Variants in PAPLN observed in about 807,000 individuals in gnomAD.
The protein encoded by PAPLN is papilin, proteoglycan like sulfated glycoprotein, also known as papilin.
In PAPLN, 146 loss-of-function variants were observed where a neutral mutation model predicts 159.0. The ratio of observed to expected loss-of-function variants is 0.92; its 90% CI spans 0.80 to 1.05. The LOEUF (loss-of-function observed/expected upper bound fraction) is 1.05, where lower values mean the gene tolerates loss of function less well. Ranked by LOEUF, PAPLN falls within the 50% of genes least tolerant of loss-of-function variation. The pLI is 0.00. For missense variants in PAPLN, 1,720 were observed against 1,743.9 expected (o/e 0.99, Z 0.24); for synonymous variants, 734 against 702.9 (o/e 1.04, Z -0.70).
intron 11 of PAPLN, chr14:73,253,254 A>C: frequency 5.2e-6 from 7 of 1,355,908 alleles, no homozygotes; most frequent in East Asian, 4.5e-5. Context: ...GGCTCCCCGC[A>C]GGGCTGGTGC....
chr14:73,264,324 T>C lies in PAPLN; in HGVS notation c.2975T>C (p.Leu992Pro), dbSNP rs1282444916. 1 of 1,613,638 alleles carries C rather than the reference T, an allele frequency of 6.2e-7. No individual in the cohort carries two copies. The highest frequency in any genetic ancestry group is 8.5e-7 in the Non-Finnish European group (1 of 1,179,916). ...GGCCGCGACTCCCAGAAGATCCAAC[T>C]TCGCATCATAGGTCTCTGTCCCCAC... ...RPGRDSQKIQ[L>P]RIIGGDMAVL... Residue 992 changes from leucine (L) to proline (P), a missense_variant, in exon 21 of 27, where the codon CTT becomes CCT. Leu to Pro is a moderately conservative substitution (Grantham distance 98, BLOSUM62 -3). Transcript: ENST00000644200.
intron 19 of PAPLN, chr14:73,263,431 G>A: frequency 1.6e-6 from 1 of 616,704 alleles, no homozygotes; most frequent in Non-Finnish European, 2.9e-6. Context: ...ACAGGTTGAG[G>A]CAGTGATGCT....
intron 26 of PAPLN, among the ~76,000 whole-genome samples, chr14:73,270,408 C>T (rs1035119352): frequency 1.3e-5 from 2 of 152,318 alleles, no homozygotes; most frequent in Admixed American, 6.5e-5. Context: ...GCTCGGTGAA[C>T]GGGAGCGTTA....
At chr14:73,252,264 G>A (rs1215512789) in intron 10 of PAPLN, 123 bp downstream of exon 10, 8 of 1,377,882 alleles carry the variant, frequency 5.8e-6, no homozygotes, top group African/African-American at 2.9e-5. Context: ...ACAAGTAGGC[G>A]AGAAATCTCT....
chr14:73,248,465 T>A (rs1392554235), intron 5 of PAPLN, among the ~76,000 whole-genome samples: 1 of 152,178 alleles, frequency 6.6e-6, no homozygotes, highest in East Asian at 1.9e-4. Context: ...TATAATCCTG[T>A]TTGTACTTTT....
At position 73,260,767 on chromosome 14, in the gene PAPLN, A is replaced by T; in HGVS notation, c.2044A>T (p.Thr682Ser). 2.7e-6 allele frequency: 4 copies of T among 1,481,946 alleles called. No homozygotes were observed. Among genetic ancestry groups the T allele is most frequent in the Non-Finnish European group, 3.6e-6 (4 of 1,119,526 alleles). The allele number at this position is 1,481,946 out of a possible 1,614,324, so 91.8% of individuals were successfully genotyped here. The part of the protein sequence containing the change: ...VAEGPHHAGC[T>S]KSYGGDSTGG... ...TGAGGGGCCCCATCACGCTGGCTGC[A>T]CAAAGTCGTATGGTGGTGACAGCAC... Residue 682 changes from threonine (T) to serine (S), a missense_variant, in exon 17 of 27, where the codon ACA (threonine) becomes TCA (serine). Transcript: ENST00000644200.
chr14:73,239,646 G>C, intron 1 of PAPLN, 127 bp from the exon 2 acceptor site: 1 of 1,443,292 alleles, frequency 6.9e-7, no homozygotes, highest in Non-Finnish European at 9.1e-7. Flanking sequence ...AGGCGCACCC[G>C]GCTGTCCTGT....
At chr14:73,258,490 T>C (rs1886173494) in intron 14 of PAPLN, among the ~76,000 whole-genome samples, 1 of 151,984 alleles carries the variant, frequency 6.6e-6, no homozygotes, top group Non-Finnish European at 1.5e-5. Flanking sequence ...CATGTAAGAT[T>C]AGCATTTTTC....
At position 73,246,182 on chromosome 14, in the gene PAPLN, G is replaced by A. The variant is rs1884282048; in HGVS notation, c.334+7G>A. The A allele has an allele frequency of 1.9e-6, 3 of 1,569,218 alleles. No individual in the cohort carries two copies. The highest frequency in any genetic ancestry group is 2.6e-6 in the Non-Finnish European group (3 of 1,162,610). ...TGGCTGCCCTACTACAGCGGTGAGC[G>A]CGGCCGGGACTCGCTCTCTCGGGGC... On this transcript the variant is annotated splice_region_variant and intron_variant, in intron 5 of 26. Coordinates refer to ENST00000644200, the MANE Select transcript of PAPLN (RefSeq NM_001365906.3).
chr14:73,255,104 C>T, intron 14 of PAPLN, 86 bp downstream of exon 14: 1 of 1,496,060 alleles, frequency 6.7e-7, no homozygotes, highest in Non-Finnish European at 9.0e-7. Flanking sequence ...TGCCTCGGGG[C>T]CTCTGCCTGC....
At chr14:73,254,358 C>T (rs573816073) in intron 12 of PAPLN, among the ~76,000 whole-genome samples, 155 bp from the exon 13 acceptor site, 1 of 152,302 alleles carries the variant, frequency 6.6e-6, no homozygotes, top group South Asian at 2.1e-4. Flanking sequence ...GCTGTGTGAC[C>T]TCAGGGGAGT....
rs369559834 is a variant in PAPLN at position 73,251,045 on chromosome 14, G to A, written c.589+15G>A. ...CCTCAGCCGAGGTGGGGGTGGTTCC[G>A]ACAAGGGGCAGTTGCCTGCCCCCTT... On this transcript the variant is annotated intron_variant, in intron 7 of 26. Transcript: ENST00000644200. The A allele has an allele frequency of 7.3e-5, 117 of 1,604,426 alleles. No homozygotes were observed. The highest frequency in any genetic ancestry group is 3.3e-4 in the Middle Eastern group (2 of 6,020).
chr14:73,257,514 C>T (rs8015792), intron 14 of PAPLN, among the ~76,000 whole-genome samples: 6,313 of 151,908 alleles, frequency 0.042, 358 homozygotes, highest in African/African-American at 0.12. Context: ...TATTTTGTGA[C>T]GAAAAATCTT....
In PAPLN at chr14:73,253,949, G is replaced by A; in HGVS notation, c.1290G>A (p.Glu430=). ...NLQRCAAWSP[E]PWGECSVSCG... ...AGCGCTGTGCAGCCTGGAGCCCGGA[G>A]CCCTGGGGAGAGGTCAGGCCCCTGG... The change falls in exon 12 of 27, where the codon GAG becomes GAA. Residue 430 remains glutamate, a synonymous_variant. Coordinates refer to ENST00000644200, the MANE Select transcript of PAPLN (RefSeq NM_001365906.3). 2.5e-6 allele frequency: 4 copies of A among 1,611,118 alleles called. No individual in the cohort carries two copies. The highest frequency in any genetic ancestry group is 3.4e-6 in the Non-Finnish European group (4 of 1,179,478).
intron 5 of PAPLN, among the ~76,000 whole-genome samples, chr14:73,246,638 CTTTCTTTTTT>C (rs1465963148): frequency 2.4e-5 from 3 of 123,474 alleles, no homozygotes; most frequent in Non-Finnish European, 3.4e-5. Flanking sequence ...CTTTTTCTTT[CTTTCTTTTTT>C]TTTTTTTTTT....
chr14:73,258,784 CT>C, intron 14 of PAPLN, among the ~76,000 whole-genome samples, 194 bp from the exon 15 acceptor site: 1 of 152,130 alleles, frequency 6.6e-6, no homozygotes, highest in East Asian at 1.9e-4. Flanking sequence ...TTCTGTGTGA[CT>C]GGAGACTTTT....
intron 2 of PAPLN, among the ~76,000 whole-genome samples, chr14:73,240,978 G>T (rs1285881990): frequency 6.6e-6 from 1 of 151,748 alleles, no homozygotes; most frequent in Non-Finnish European, 1.5e-5. Context: ...GGATCCCTGC[G>T]AAAGGACCCA....
In PAPLN at chr14:73,251,678, C is replaced by T. The variant is rs140266051; in HGVS notation, c.685C>T (p.Arg229Cys). 42 of 1,613,318 alleles carry T rather than the reference C, an allele frequency of 2.6e-5. No homozygotes were observed. The highest frequency in any genetic ancestry group is 5.5e-5 in the South Asian group (5 of 91,076). The part of the protein sequence containing the change: ...SRNFLAVKNV[R>C]GEYYLNGHWT... ...CCTCTGCGCAGCTGTGAAGAATGTT[C>T]GTGGGGAATACTACCTCAATGGGCA... Residue 229 changes from arginine (R) to cysteine (C), a missense_variant, in exon 9 of 27, where the codon CGT becomes TGT. Transcript: ENST00000644200.
At chr14:73,260,665 TG>T (rs1886469361) in intron 16 of PAPLN, 43 bp from the exon 17 acceptor site, 2 of 1,399,198 alleles carry the variant, frequency 1.4e-6, no homozygotes, top group Non-Finnish European at 1.9e-6. Flanking sequence ...GCAGGGAGCG[TG>T]GGGGCAGGCT....
Sources: gnomAD v4.1 joint callset for allele counts (sites outside exome capture counted in the v4.1 genomes callset) on GRCh38, gnomAD v4.1.1 for gene constraint, MANE v1.5 for transcripts, NCBI Gene and HGNC (gene_info 2026-07-23, HGNC 2026-07-21) for gene names.